Variants in ASTN2 observed in about 807,000 individuals in gnomAD.
ASTN2 encodes the protein astrotactin-2.
In ASTN2, 54 loss-of-function variants were observed where a neutral mutation model predicts 139.8. The observed-to-expected ratio is 0.39, with a 90% CI of 0.31 to 0.48. The LOEUF is 0.48. Among genes scored for constraint, ASTN2 ranks in the 20% least tolerant of loss-of-function variants. The pLI, the probability that ASTN2 is intolerant of heterozygous loss-of-function variation, is 0.95. For synonymous variants in ASTN2, 756 were observed against 719.5 expected, an observed-to-expected ratio of 1.05 and a Z score of -0.81; for missense variants, 1,565 against 1,725.1, an observed-to-expected ratio of 0.91 and a Z score of 1.64.
At chr9:117,200,447 C>G (rs1051972782) in intron 3 of ASTN2, among the ~76,000 whole-genome samples, 6 of 152,088 alleles carry the variant, frequency 3.9e-5, no homozygotes, top group African/African-American at 1.4e-4. Flanking sequence ...TACTGGTTTT[C>G]AAAGGGAATG....
chr9:116,642,548 A>C (rs1857394500), intron 17 of ASTN2, among the ~76,000 whole-genome samples: 1 of 152,034 alleles, frequency 6.6e-6, no homozygotes, highest in Non-Finnish European at 1.5e-5. Flanking sequence ...TATACCCCCC[A>C]TCTAACTGAC....
At chr9:116,943,886 A>G (rs1835305209) in intron 10 of ASTN2, among the ~76,000 whole-genome samples, 2 of 152,236 alleles carry the variant, frequency 1.3e-5, no homozygotes, top group South Asian at 2.1e-4. Flanking sequence ...TACTTTAGCA[A>G]TGCATAGCTC....
rs1027254040 is a variant in ASTN2 at position 116,442,933 on chromosome 9, C to A, written c.3498-380G>T. On this transcript the variant is annotated intron_variant, in intron 20 of 22. Transcript: ENST00000313400. ...ATCCATTTATATATTCATTAATTTA[C>A]TCATTTAAGAAATATTTATTGAGCA... is the stretch of plus-strand genomic sequence containing the variant. Among the ~76,000 whole-genome samples the A allele has an allele frequency of 5.1e-4, 77 of 152,230 alleles. 1 individual carries two copies. The highest frequency in any genetic ancestry group is 1.7e-3 in the African/African-American group (72 of 41,526).
chr9:116,803,540 TTTTA>T, intron 13 of ASTN2, among the ~76,000 whole-genome samples: 2 of 125,902 alleles, frequency 1.6e-5, no homozygotes, highest in Admixed American at 8.6e-5. Flanking sequence ...TTTTTTTTTT[TTTTA>T]GACGGAGTCT....
chr9:116,990,635 G>T (rs1296369715), intron 7 of ASTN2, among the ~76,000 whole-genome samples: 1 of 152,006 alleles, frequency 6.6e-6, no homozygotes, highest in African/African-American at 2.4e-5. Context: ...TCACTCCACT[G>T]CCTTTGCACC....
chr9:116,918,673 C>T (rs1326944420), intron 10 of ASTN2, among the ~76,000 whole-genome samples: 1 of 152,146 alleles, frequency 6.6e-6, no homozygotes, highest in Non-Finnish European at 1.5e-5. Flanking sequence ...GTCCCTCTGG[C>T]ATCTCCATTA....
intron 10 of ASTN2, among the ~76,000 whole-genome samples, chr9:116,933,979 C>CTTTTTTTTTTTTTTTTT (rs148724828): frequency 0.012 from 1,081 of 86,742 alleles, 170 homozygotes; most frequent in Non-Finnish European, 0.017. Flanking sequence ...AGTGTTAGTC[C>CTTTTTTTTTTTTTTTTT]TTTTTTTTTT....
chr9:116,755,100 A>G (rs780318304), intron 13 of ASTN2, among the ~76,000 whole-genome samples: 1 of 152,182 alleles, frequency 6.6e-6, no homozygotes, highest in Non-Finnish European at 1.5e-5. Flanking sequence ...TTTAGTTTCA[A>G]TACCAGATCT....
intron 16 of ASTN2, among the ~76,000 whole-genome samples, chr9:116,704,090 T>G (rs1827925325): frequency 6.6e-6 from 1 of 152,180 alleles, no homozygotes; most frequent in African/African-American, 2.4e-5. Context: ...GGCCTTGAAG[T>G]CAGGCTTGTG....
intron 2 of ASTN2, among the ~76,000 whole-genome samples, chr9:117,260,526 A>G (rs1296927912): frequency 6.6e-6 from 1 of 152,142 alleles, no homozygotes; most frequent in Non-Finnish European, 1.5e-5. Context: ...AACCATATAC[A>G]ATCAAGAATC....
At chr9:117,345,551 G>A (rs1465499003) in intron 1 of ASTN2, among the ~76,000 whole-genome samples, 1 of 152,168 alleles carries the variant, frequency 6.6e-6, no homozygotes, top group Admixed American at 6.5e-5. Flanking sequence ...GCTGATAGGT[G>A]GCAGAGCTTG....
rs970193564 is a variant in ASTN2 at position 116,710,532 on chromosome 9, G to A, written c.2806+15239C>T. 6.6e-5 allele frequency among the ~76,000 whole-genome samples: 10 copies of A among 151,932 alleles called. 1 individual carries two copies. Among genetic ancestry groups the A allele is most frequent in the African/African-American group, 2.2e-4 (9 of 41,422 alleles). On this transcript the variant is annotated intron_variant, in intron 16 of 22. Coordinates refer to ENST00000313400, the MANE Select transcript of ASTN2 (RefSeq NM_001365068.1). ...GAATCACCTGAGGTCGGGGGTTTGA[G>A]ACCAGCCTGACCAACATGGAGAAAC...
intron 1 of ASTN2, among the ~76,000 whole-genome samples, chr9:117,319,735 C>T (rs1456343431): frequency 1.3e-5 from 2 of 152,058 alleles, no homozygotes; most frequent in African/African-American, 2.4e-5. Flanking sequence ...CCTACCTGGC[C>T]TTCACAGGGC....
intron 3 of ASTN2, among the ~76,000 whole-genome samples, chr9:117,149,577 C>T (rs562606013): frequency 1.1e-4 from 17 of 152,120 alleles, no homozygotes; most frequent in African/African-American, 1.7e-4. Context: ...TAAGAGAAGA[C>T]ATCTTAGTCC....
At chr9:117,100,872 G>A (rs1828960476) in intron 4 of ASTN2, among the ~76,000 whole-genome samples, 1 of 152,262 alleles carries the variant, frequency 6.6e-6, no homozygotes, top group Middle Eastern at 3.4e-3. Flanking sequence ...ATGAGCCAAG[G>A]GAAGTAATGG....
intron 4 of ASTN2, among the ~76,000 whole-genome samples, chr9:117,103,988 G>A (rs1262364760): frequency 1.3e-5 from 2 of 152,066 alleles, no homozygotes; most frequent in Non-Finnish European, 2.9e-5. Flanking sequence ...CTATAGGCCA[G>A]GCACTTTACA....
rs553416106 is a variant in ASTN2, at chr9:117,404,854, A to G, written c.442+9643T>C. ...GTTGGGAGGAAGGAAGAAAAGGGGG[A>G]AAAAAAAGAAGGAAAGGGGATGGGG... is the stretch of plus-strand genomic sequence containing the variant. On this transcript the variant is annotated intron_variant, in intron 1 of 22. Transcript: ENST00000313400. Among the ~76,000 whole-genome samples the G allele has an allele frequency of 1.1e-3, 163 of 151,986 alleles. 3 individuals carry two copies. The South Asian group carries it at 0.025, about 23-fold the overall frequency.
intron 13 of ASTN2, among the ~76,000 whole-genome samples, chr9:116,736,070 A>G (rs1828918452): frequency 6.6e-6 from 1 of 152,216 alleles, no homozygotes; most frequent in South Asian, 2.1e-4. Context: ...AAGTTATGTA[A>G]CTACCTAAAG....
chr9:116,502,572 T>C (rs1433570663), intron 19 of ASTN2, among the ~76,000 whole-genome samples: 3 of 145,060 alleles, frequency 2.1e-5, no homozygotes, highest in African/African-American at 5.1e-5. Context: ...CAGATAGAAA[T>C]AGAGAGACAT....
Sources: allele counts gnomAD v4.1 joint callset (sites outside exome capture counted in the v4.1 genomes callset), GRCh38; gene constraint gnomAD v4.1.1; transcripts MANE v1.5; gene names NCBI Gene and HGNC (gene_info 2026-07-23, HGNC 2026-07-21).